SCARA3: variants seen among roughly 807,000 people sequenced by gnomAD.
SCARA3 encodes cellular stress response gene protein.
SCARA3 carries 39 observed loss-of-function variants against 47.0 expected under a neutral mutation model. The ratio of observed to expected loss-of-function variants is 0.83; its 90% CI spans 0.64 to 1.08. SCARA3 has a LOEUF of 1.08. Among genes scored for constraint, SCARA3 ranks in the 50% least tolerant of loss-of-function variants. The pLI is 0.00. For synonymous variants in SCARA3, 356 were observed against 334.1 expected (o/e 1.07, Z -0.71); for missense variants, 724 against 792.3 (o/e 0.91, Z 1.04).
chr8:27,666,942 G>A (rs1398111724), intron 5 of SCARA3, among the ~76,000 whole-genome samples: 1 of 152,148 alleles, frequency 6.6e-6, no homozygotes, highest in Non-Finnish European at 1.5e-5. Context: ...GGCTTCCTGA[G>A]TAATCATGGC....
At chr8:27,733,138 C>T in the SCARA3 span, among the ~76,000 whole-genome samples, 1 of 152,162 alleles carries the variant, frequency 6.6e-6, no homozygotes, top group South Asian at 2.1e-4. Context: ...GGGCGACCTT[C>T]CCTTTACTAG....
chr8:27,694,713 G>T, the SCARA3 span, among the ~76,000 whole-genome samples: 1 of 152,140 alleles, frequency 6.6e-6, no homozygotes, highest in South Asian at 2.1e-4. Flanking sequence ...GGTGGTTTAT[G>T]ACCTAATTTG....
the SCARA3 span, among the ~76,000 whole-genome samples, chr8:27,724,668 C>T: frequency 6.6e-6 from 1 of 151,870 alleles, no homozygotes; most frequent in African/African-American, 2.4e-5. Context: ...AAAACAAAAC[C>T]AAACAAAAAA....
chr8:27,685,797 T>G, the SCARA3 span, among the ~76,000 whole-genome samples: 1 of 152,218 alleles, frequency 6.6e-6, no homozygotes, highest in African/African-American at 2.4e-5. Context: ...CCTCTAGACC[T>G]ATCTTCAGTT....
chr8:27,647,541 C>T (rs1440048736), intron 1 of SCARA3, among the ~76,000 whole-genome samples: 1 of 152,200 alleles, frequency 6.6e-6, no homozygotes, highest in African/African-American at 2.4e-5. Flanking sequence ...TGTGCCGGCT[C>T]TCTGTGCCGG....
At chr8:27,688,987 C>A in the SCARA3 span, among the ~76,000 whole-genome samples, 1 of 152,254 alleles carries the variant, frequency 6.6e-6, no homozygotes, top group Non-Finnish European at 1.5e-5. Flanking sequence ...TAAGAAGGGG[C>A]TGGGGAGCTC....
the SCARA3 span, among the ~76,000 whole-genome samples, chr8:27,705,767 A>G: frequency 6.6e-6 from 1 of 152,282 alleles, no homozygotes; most frequent in Non-Finnish European, 1.5e-5. Context: ...CTTCTAAAAC[A>G]GAATGAGAAT....
At chr8:27,656,253 T>C (rs1052148281) in intron 3 of SCARA3, among the ~76,000 whole-genome samples, 1 of 152,228 alleles carries the variant, frequency 6.6e-6, no homozygotes, top group Non-Finnish European at 1.5e-5. Context: ...AGTCTCTTAC[T>C]AGGCCTAATT....
At chr8:27,669,500 C>A (rs1189815323) in intron 5 of SCARA3, among the ~76,000 whole-genome samples, 1 of 152,244 alleles carries the variant, frequency 6.6e-6, no homozygotes, top group East Asian at 1.9e-4. Flanking sequence ...CTGCCAGGGG[C>A]TCCTGCAGGC....
chr8:27,696,025 T>A, the SCARA3 span, among the ~76,000 whole-genome samples: 1 of 150,238 alleles, frequency 6.7e-6, no homozygotes, highest in Admixed American at 6.6e-5. Context: ...TTATTTTAAT[T>A]TTTTTTTTTT....
chr8:27,639,529 G>A lies in SCARA3; in HGVS notation c.7+5322G>A, dbSNP rs1270484937. On this transcript the variant is annotated intron_variant, in intron 1 of 5. Transcript: ENST00000301904. ...GGGGGAAGAGTGTTTGGTGGTGGGG[G>A]AGAGAGATGGCCTGCAGTTGAGGGA... Among the ~76,000 whole-genome samples the A allele has an allele frequency of 2.6e-5, 4 of 152,028 alleles. No individual in the cohort carries two copies. The East Asian group carries it at 7.7e-4, about 29-fold the overall frequency.
At chr8:27,679,349 C>T (rs1380927107), downstream of SCARA3, among the ~76,000 whole-genome samples, 6 of 152,006 alleles carry the variant, frequency 3.9e-5, no homozygotes, top group South Asian at 2.1e-4. Flanking sequence ...GTGGGGTTTA[C>T]GACATACAAA....
intron 5 of SCARA3, among the ~76,000 whole-genome samples, chr8:27,666,521 T>C (rs1802018409): frequency 6.6e-6 from 1 of 152,244 alleles, no homozygotes; most frequent in Non-Finnish European, 1.5e-5. Flanking sequence ...TGAGAGTCCC[T>C]GAGCCAGGCC....
chr8:27,732,498 G>A, the SCARA3 span, among the ~76,000 whole-genome samples: 1 of 152,150 alleles, frequency 6.6e-6, no homozygotes, highest in African/African-American at 2.4e-5. Flanking sequence ...ACAAAACTAA[G>A]CAATCAATTT....
At chr8:27,637,818 C>T (rs1025827885) in intron 1 of SCARA3, among the ~76,000 whole-genome samples, 6 of 152,050 alleles carry the variant, frequency 3.9e-5, no homozygotes, top group African/African-American at 1.2e-4. Flanking sequence ...AGGAGGAATC[C>T]GCCCTGCACC....
chr8:27,729,979 G>A, the SCARA3 span, among the ~76,000 whole-genome samples: 3 of 152,088 alleles, frequency 2.0e-5, no homozygotes, highest in Non-Finnish European at 4.4e-5. Flanking sequence ...GGGGTAAGAA[G>A]AGGTGCCAGG....
intron 1 of SCARA3, among the ~76,000 whole-genome samples, chr8:27,646,659 C>T (rs531057650): frequency 3.9e-5 from 6 of 152,244 alleles, no homozygotes; most frequent in African/African-American, 1.4e-4. Context: ...CAGCCCACAA[C>T]GTGGTTCTGA....
intron 1 of SCARA3, among the ~76,000 whole-genome samples, chr8:27,647,832 C>A (rs1801539595): frequency 6.6e-6 from 1 of 152,198 alleles, no homozygotes; most frequent in South Asian, 2.1e-4. Context: ...CCCTCAGTCC[C>A]CTCCCTACTG....
At chr8:27,723,031 G>A in the SCARA3 span, among the ~76,000 whole-genome samples, 2 of 152,182 alleles carry the variant, frequency 1.3e-5, no homozygotes, top group African/African-American at 2.4e-5. Flanking sequence ...CAACCACGCT[G>A]TGCATCTGCT....
Sources: gnomAD v4.1 joint callset for allele counts (sites outside exome capture counted in the v4.1 genomes callset) on GRCh38, gnomAD v4.1.1 for gene constraint, MANE v1.5 for transcripts, NCBI Gene and HGNC (gene_info 2026-07-23, HGNC 2026-07-21) for gene names.